Variants in MGMT observed in about 807,000 individuals in gnomAD.
MGMT encodes methylated-DNA--protein-cysteine methyltransferase.
In MGMT, 14 loss-of-function variants were observed where a neutral mutation model predicts 15.9. The ratio of observed to expected loss-of-function variants is 0.88; its 90% CI spans 0.58 to 1.37. The LOEUF is 1.37. MGMT is among the 40% of genes most tolerant of loss of function. The pLI is 0.00. For synonymous variants in MGMT, 130 were observed against 118.2 expected, an observed-to-expected ratio of 1.10 and a Z score of -0.65; for missense variants, 282 against 268.1, an observed-to-expected ratio of 1.05 and a Z score of -0.36.
At chr10:129,617,763 C>CTT (rs200716835) in intron 2 of MGMT, among the ~76,000 whole-genome samples, 1 of 151,152 alleles carries the variant, frequency 6.6e-6, no homozygotes, top group Non-Finnish European at 1.5e-5. Flanking sequence ...CCTTTGCCCA[C>CTT]TTTTTTTTTA....
intron 2 of MGMT, among the ~76,000 whole-genome samples, chr10:129,552,258 C>T (rs1400716096): frequency 6.6e-6 from 1 of 152,178 alleles, no homozygotes; most frequent in Non-Finnish European, 1.5e-5. Context: ...ACCACTGGGC[C>T]GTGACTGTGG....
intron 2 of MGMT, among the ~76,000 whole-genome samples, chr10:129,608,862 G>T (rs766676010): frequency 6.6e-6 from 1 of 152,218 alleles, no homozygotes; most frequent in Non-Finnish European, 1.5e-5. Flanking sequence ...TTCATCTCCC[G>T]GGCTGAATGC....
chr10:129,535,986 C>T (rs909519227), intron 1 of MGMT, among the ~76,000 whole-genome samples: 1 of 152,086 alleles, frequency 6.6e-6, no homozygotes, highest in African/African-American at 2.4e-5. Flanking sequence ...TAAAGATAAA[C>T]GAGAAGAATC....
At chr10:129,504,523 T>C (rs1385670922) in intron 1 of MGMT, among the ~76,000 whole-genome samples, 2 of 152,232 alleles carry the variant, frequency 1.3e-5, no homozygotes. Context: ...AGGACGACAC[T>C]GTTGTTTGGG....
At chr10:129,552,751 TG>T (rs1846171916) in intron 2 of MGMT, among the ~76,000 whole-genome samples, 1 of 152,224 alleles carries the variant, frequency 6.6e-6, no homozygotes, top group Non-Finnish European at 1.5e-5. Flanking sequence ...CCCCTTCTGC[TG>T]ATGTCCGTGA....
intron 2 of MGMT, among the ~76,000 whole-genome samples, chr10:129,686,271 A>C (rs1847903484): frequency 6.6e-6 from 1 of 152,192 alleles, no homozygotes. Context: ...AAGAAAAAAA[A>C]AAGAGATCCC....
intron 3 of MGMT, among the ~76,000 whole-genome samples, chr10:129,733,831 G>T (rs1323994382): frequency 6.6e-6 from 1 of 152,158 alleles, no homozygotes; most frequent in African/African-American, 2.4e-5. Flanking sequence ...TTTCCCCATT[G>T]CTTGTTTTTG....
At chr10:129,726,394 C>A (rs1435690717) in intron 3 of MGMT, among the ~76,000 whole-genome samples, 1 of 152,118 alleles carries the variant, frequency 6.6e-6, no homozygotes, top group East Asian at 1.9e-4. Context: ...GGTTTTGAAG[C>A]TACTGTAGTC....
At chr10:129,509,707 G>A (rs1459181296) in intron 1 of MGMT, among the ~76,000 whole-genome samples, 1 of 152,184 alleles carries the variant, frequency 6.6e-6, no homozygotes, top group East Asian at 1.9e-4. Flanking sequence ...TGTCAATTTA[G>A]CTTTTTCATG....
At chr10:129,722,646 G>A (rs543398874) in intron 3 of MGMT, among the ~76,000 whole-genome samples, 1 of 152,316 alleles carries the variant, frequency 6.6e-6, no homozygotes, top group Non-Finnish European at 1.5e-5. Flanking sequence ...GCAACAGAGA[G>A]AGAGACCAGT....
rs143132928 is a variant in MGMT, at chr10:129,492,254, C to T, written c.-13+24958C>T. Reference sequence around the variant, plus strand: ...GATTGGAAGCCCATGGTCTCTTTCTCCTCAGCCTGTAAATGCTTTGGGAGA... The same window carrying T: ...GATTGGAAGCCCATGGTCTCTTTCTTCTCAGCCTGTAAATGCTTTGGGAGA... On this transcript the variant is annotated intron_variant, in intron 1 of 4. Coordinates refer to ENST00000651593, the MANE Select transcript of MGMT (RefSeq NM_002412.5). Among the ~76,000 whole-genome samples the T allele has an allele frequency of 1.7e-4, 26 of 152,278 alleles. 1 individual carries two copies. In the East Asian group the frequency reaches 4.7e-3, roughly 27 times the overall value.
chr10:129,642,827 G>C lies in MGMT; in HGVS notation c.126-65068G>C, dbSNP rs994840061. ...CACGTCTGTAGTCACAGCTACTTGG[G>C]AGGCTGAGGCGGGAAGACCACCTGA... is the stretch of plus-strand genomic sequence containing the variant. On this transcript the variant is annotated intron_variant, in intron 2 of 4. Transcript: ENST00000651593. Among the ~76,000 whole-genome samples, 15 of 152,128 alleles carry C rather than the reference G, an allele frequency of 9.9e-5. 1 individual carries two copies. Among genetic ancestry groups the C allele is most frequent in the Admixed American group, 9.2e-4 (14 of 15,266 alleles).
At position 129,481,035 on chromosome 10, in the gene MGMT, C is replaced by T. The variant is rs1845352107; in HGVS notation, c.-13+13739C>T. On this transcript the variant is annotated intron_variant, in intron 1 of 4. Transcript: ENST00000651593. ...GTCAAGATTTAGTGAAGTTTGATTG[C>T]TTCCTCAGGGCATTCTGAAGTGAAC... is the stretch of plus-strand genomic sequence containing the variant. 2.6e-5 allele frequency among the ~76,000 whole-genome samples: 4 copies of T among 152,208 alleles called. No homozygotes were observed. The South Asian group carries it at 8.3e-4, about 32-fold the overall frequency.
At chr10:129,487,935 G>GTGTATA (rs1554902747) in intron 1 of MGMT, among the ~76,000 whole-genome samples, 1 of 144,148 alleles carries the variant, frequency 6.9e-6, no homozygotes, top group African/African-American at 2.6e-5. Flanking sequence ...GTGTGTGTGT[G>GTGTATA]TATATATATA....
chr10:129,560,670 G>A lies in MGMT; in HGVS notation c.125+24293G>A, dbSNP rs577691064. ...TATTTATGTGCCCTGACAATTCAGC[G>A]TTAAAGTTCAATACAAATATATAAA... is the stretch of plus-strand genomic sequence containing the variant. On this transcript the variant is annotated intron_variant, in intron 2 of 4. Transcript: ENST00000651593. Among the ~76,000 whole-genome samples the A allele has an allele frequency of 4.6e-5, 7 of 152,234 alleles. No homozygotes were observed. In the East Asian group the frequency reaches 1.2e-3, roughly 25 times the overall value.
chr10:129,653,006 G>T lies in MGMT; in HGVS notation c.126-54889G>T, dbSNP rs565797595. Among the ~76,000 whole-genome samples, 5 of 152,362 alleles carry T rather than the reference G, an allele frequency of 3.3e-5. No homozygotes were observed. The South Asian group carries it at 1.0e-3, about 32-fold the overall frequency. The stretch of plus-strand genomic sequence containing the variant: ...AATGCCCGCCCCAGGACACGATCCA[G>T]TGGCTCTCGGGATCCCTCCAGGGTT... On this transcript the variant is annotated intron_variant, in intron 2 of 4. Transcript: ENST00000651593.
chr10:129,621,168 A>G (rs1436501644), intron 2 of MGMT, among the ~76,000 whole-genome samples: 1 of 152,222 alleles, frequency 6.6e-6, no homozygotes, highest in Non-Finnish European at 1.5e-5. Context: ...ACCTGCTACC[A>G]CACTGGGCAG....
chr10:129,664,214 G>GA (rs1847631513), intron 2 of MGMT, among the ~76,000 whole-genome samples: 1 of 152,104 alleles, frequency 6.6e-6, no homozygotes, highest in African/African-American at 2.4e-5. Context: ...AAAAAGGAAG[G>GA]AAAAAAGTAC....
At chr10:129,575,405 G>T (rs1389184263) in intron 2 of MGMT, among the ~76,000 whole-genome samples, 1 of 149,584 alleles carries the variant, frequency 6.7e-6, no homozygotes, top group Admixed American at 6.7e-5. Flanking sequence ...CAACTACATG[G>T]AAACTGAACA....
Sources: allele counts gnomAD v4.1 joint callset (sites outside exome capture counted in the v4.1 genomes callset), GRCh38; gene constraint gnomAD v4.1.1; transcripts MANE v1.5; gene names NCBI Gene and HGNC (gene_info 2026-07-23, HGNC 2026-07-21).